Variants in DSCAML1 observed in about 807,000 individuals in gnomAD.
DSCAML1 encodes DS cell adhesion molecule like 1, also known as cell adhesion molecule DSCAML1.
A neutral mutation model predicts 200.5 loss-of-function variants in DSCAML1; 38 were observed. The observed-to-expected ratio is 0.19, with a 90% CI of 0.15 to 0.25. The LOEUF is 0.25. Ranked by LOEUF, DSCAML1 falls within the 10% of genes least tolerant of loss-of-function variation. The pLI, the probability that DSCAML1 is intolerant of heterozygous loss-of-function variation, is 1.00. For missense variants in DSCAML1, 2,223 were observed against 2,858.8 expected (o/e 0.78, Z 5.07); for synonymous variants, 1,215 against 1,165.0 (o/e 1.04, Z -0.87).
chr11:117,646,575 G>A (rs1192423312), intron 3 of DSCAML1, among the ~76,000 whole-genome samples: 2 of 152,184 alleles, frequency 1.3e-5, no homozygotes, highest in Non-Finnish European at 2.9e-5. Flanking sequence ...CTGCCAAAGT[G>A]TTAACAGATT....
intron 3 of DSCAML1, among the ~76,000 whole-genome samples, chr11:117,722,189 G>A (rs1444260119): frequency 6.6e-6 from 1 of 152,070 alleles, no homozygotes; most frequent in Non-Finnish European, 1.5e-5. Context: ...TGGCTCTACA[G>A]GAAAAACTTG....
intron 4 of DSCAML1, among the ~76,000 whole-genome samples, chr11:117,529,046 G>C (rs1035662149): frequency 6.6e-6 from 1 of 150,946 alleles, no homozygotes; most frequent in African/African-American, 2.4e-5. Flanking sequence ...TCAGGCACTA[G>C]CTAAGCTTTT....
chr11:117,734,415 G>A (rs1356108956), intron 3 of DSCAML1, among the ~76,000 whole-genome samples: 1 of 152,106 alleles, frequency 6.6e-6, no homozygotes, highest in Admixed American at 6.5e-5. Context: ...CTGGCCCCTC[G>A]GGTCCCCACA....
At chr11:117,800,690 GGCTTTTGT>G (rs1565292908), upstream of DSCAML1, among the ~76,000 whole-genome samples, 1 of 152,066 alleles carries the variant, frequency 6.6e-6, no homozygotes, top group African/African-American at 2.4e-5. Context: ...TCTGTATTTT[GGCTTTTGT>G]GCTTTTGTTT....
chr11:117,793,848 G>A (rs1360426210), intron 1 of DSCAML1, among the ~76,000 whole-genome samples: 1 of 152,106 alleles, frequency 6.6e-6, no homozygotes, highest in Non-Finnish European at 1.5e-5. Flanking sequence ...TGGCTTTGAT[G>A]CCCAGAAAAA....
At chr11:117,563,199 ATG>A (rs1202451082) in intron 3 of DSCAML1, among the ~76,000 whole-genome samples, 1 of 152,102 alleles carries the variant, frequency 6.6e-6, no homozygotes, top group Non-Finnish European at 1.5e-5. Context: ...CTTTTATTTA[ATG>A]TGTTTATTTC....
chr11:117,486,699 G>A (rs1330022218), intron 11 of DSCAML1, among the ~76,000 whole-genome samples: 3 of 152,056 alleles, frequency 2.0e-5, no homozygotes, highest in Non-Finnish European at 4.4e-5. Flanking sequence ...GGCTTCAGGT[G>A]TTACTTGCCA....
intron 3 of DSCAML1, among the ~76,000 whole-genome samples, chr11:117,568,158 T>G (rs1186719577): frequency 1.3e-5 from 2 of 152,214 alleles, no homozygotes; most frequent in Non-Finnish European, 2.9e-5. Context: ...AAAAGGCCTT[T>G]GACAAAATTC....
intron 3 of DSCAML1, among the ~76,000 whole-genome samples, chr11:117,700,252 C>G (rs1251228214): frequency 6.6e-6 from 1 of 152,160 alleles, no homozygotes; most frequent in Admixed American, 6.5e-5. Context: ...ATCTGCAGCC[C>G]CATGAAGTAG....
chr11:117,482,571 G>A (rs11216419), intron 11 of DSCAML1, among the ~76,000 whole-genome samples: 17,806 of 152,102 alleles, frequency 0.12, 1,145 homozygotes, highest in South Asian at 0.2. Flanking sequence ...GTGGTAGCTC[G>A]TATAATTGCT....
intron 3 of DSCAML1, among the ~76,000 whole-genome samples, chr11:117,687,424 C>G (rs2053419282): frequency 1.9e-5 from 1 of 51,818 alleles, no homozygotes; most frequent in East Asian, 4.8e-4. Flanking sequence ...CCATGCCTGG[C>G]TATTTTTTTT....
intron 11 of DSCAML1, among the ~76,000 whole-genome samples, chr11:117,495,397 C>G (rs2049271480): frequency 6.6e-6 from 1 of 152,168 alleles, no homozygotes; most frequent in Admixed American, 6.5e-5. Context: ...GAACTGAATC[C>G]TGCCACGTCT....
At chr11:117,565,116 G>A (rs1484060125) in intron 3 of DSCAML1, among the ~76,000 whole-genome samples, 5 of 151,892 alleles carry the variant, frequency 3.3e-5, no homozygotes, top group Non-Finnish European at 4.4e-5. Flanking sequence ...GCTGCATCCC[G>A]CCCCTCCCCT....
rs750267959 is a variant in DSCAML1 at position 117,516,501 on chromosome 11, G to C, written c.1749C>G (p.Leu583=). The change falls in exon 8 of 33, where the codon CTC becomes CTG. Residue 583 remains leucine (L), a synonymous_variant. Transcript: ENST00000651296. This position sits in a 1 kb window ranked among gnomAD's most constrained non-coding sequence, Gnocchi z 5.7. ...YLCSVLIQPQ[L]SISQSVHVAV... is the part of the protein sequence containing the mutation. Reference sequence around the variant, plus strand: ...CTACGTGAACGCTCTGGCTGATGGAGAGCTGGGGCTGGATGAGGACACTGC... The same window carrying C: ...CTACGTGAACGCTCTGGCTGATGGACAGCTGGGGCTGGATGAGGACACTGC... 6 of 1,613,972 alleles carry C rather than the reference G, an allele frequency of 3.7e-6. No individual in the cohort carries two copies. The highest frequency in any genetic ancestry group is 5.1e-6 in the Non-Finnish European group (6 of 1,179,992).
rs1592688588 is a variant in DSCAML1 at position 117,516,881 on chromosome 11, C to G, written c.1511-142G>C. The stretch of plus-strand genomic sequence containing the variant: ...CGGGGGCGGACATTTGGTGGGGGCA[C>G]AGGGATGCCTTTTTACAAAGCTACA... On this transcript the variant is annotated intron_variant, in intron 7 of 32. Coordinates refer to ENST00000651296, the MANE Select transcript of DSCAML1 (RefSeq NM_020693.4). The surrounding 1 kb of genome is among the most constrained non-coding windows in gnomAD (Gnocchi z 5.7). 9.7e-7 allele frequency: 1 copy of G among 1,029,946 alleles called. No individual in the cohort carries two copies. The highest frequency in any genetic ancestry group is 2.6e-5 in the East Asian group (1 of 38,398). 63.8% of individuals were successfully genotyped at this position (1,029,946 alleles called of 1,614,324 possible). A position where few individuals can be genotyped will look rare whatever the true frequency, so the allele number is the denominator to read the frequency against.
upstream of DSCAML1, chr11:117,797,227 C>T: frequency 6.8e-7 from 1 of 1,475,688 alleles, no homozygotes; most frequent in African/African-American, 1.5e-5. Flanking sequence ...GCGGCGGCGG[C>T]TCCTCCCTCC....
intron 3 of DSCAML1, among the ~76,000 whole-genome samples, chr11:117,713,690 TGACCTCC>T (rs1341405573): frequency 6.6e-6 from 1 of 152,244 alleles, no homozygotes; most frequent in African/African-American, 2.4e-5. Context: ...TAAAAATTTA[TGACCTCC>T]GTCACCAGTT....
In DSCAML1 at chr11:117,518,135, CATACTTGGGCCCCAGAGAG is replaced by C. The variant is rs1261935513; in HGVS notation, c.1510+312_1510+330del. On this transcript the variant is annotated intron_variant, in intron 7 of 32. Coordinates refer to ENST00000651296, the MANE Select transcript of DSCAML1 (RefSeq NM_020693.4). This position sits in a 1 kb window ranked among gnomAD's most constrained non-coding sequence, Gnocchi z 6.3. Reference sequence around the variant, plus strand: ...CTGGCAGATACCAGCAGGTGTTTAGCATACTTGGGCCCCAGAGAGATTTGATGGGGAGGAATGGGCTAGA... The same window carrying C: ...CTGGCAGATACCAGCAGGTGTTTAGCATTTGATGGGGAGGAATGGGCTAGA... 3.3e-5 allele frequency among the ~76,000 whole-genome samples: 5 copies of C among 152,074 alleles called. No homozygotes were observed. The highest frequency in any genetic ancestry group is 6.5e-5 in the Admixed American group (1 of 15,270).
chr11:117,509,887 T>C (rs1428400473), intron 8 of DSCAML1, among the ~76,000 whole-genome samples: 1 of 152,220 alleles, frequency 6.6e-6, no homozygotes, highest in Non-Finnish European at 1.5e-5. Flanking sequence ...AGCCTACAGA[T>C]CTGCCCCCGA....
Sources: gnomAD v4.1 joint callset for allele counts (sites outside exome capture counted in the v4.1 genomes callset) on GRCh38, gnomAD v4.1.1 for gene constraint, Gnocchi (gnomAD v3.1) non-coding constraint, MANE v1.5 for transcripts, NCBI Gene and HGNC (gene_info 2026-07-23, HGNC 2026-07-21) for gene names.